The following RIMS2 variants were observed in gnomAD, a reference collection of about 807,000 sequenced individuals.
The protein encoded by RIMS2 is regulating synaptic membrane exocytosis 2, also known as regulating synaptic membrane exocytosis protein 2.
Under a neutral mutation model 174.4 loss-of-function variants are expected in RIMS2, and 59 were observed. The observed-to-expected ratio is 0.34, with a 90% confidence interval of 0.27 to 0.42. The LOEUF is 0.42. Ranked by LOEUF, RIMS2 falls within the 10% of genes least tolerant of loss-of-function variation. RIMS2 has a pLI of 1.00. For missense variants in RIMS2, 1,620 were observed against 1,666.3 expected, an observed-to-expected ratio of 0.97 and a Z score of 0.48; for synonymous variants, 606 against 572.5, an observed-to-expected ratio of 1.06 and a Z score of -0.84.
At chr8:103,585,543 T>C (rs565563462) in intron 1 of RIMS2, among the ~76,000 whole-genome samples, 4 of 152,236 alleles carry the variant, frequency 2.6e-5, no homozygotes, top group African/African-American at 9.6e-5. Context: ...CATAGAATAC[T>C]ATTCAGCCAT....
chr8:103,921,729 C>T (rs2077702859), exon 10 of RIMS2: 2 of 1,580,224 alleles, frequency 1.3e-6, no homozygotes, highest in Admixed American at 3.3e-5. Flanking sequence ...GTTACCTCTC[C>T]CATGAGTCCT....
intron 19 of RIMS2, among the ~76,000 whole-genome samples, chr8:104,126,058 G>A (rs1243280637): frequency 6.6e-6 from 1 of 152,142 alleles, no homozygotes; most frequent in Non-Finnish European, 1.5e-5. Context: ...ATTGAGGCTA[G>A]AAGGTGGACT....
At chr8:103,686,046 A>G (rs1176029163) in intron 1 of RIMS2, among the ~76,000 whole-genome samples, 1 of 152,108 alleles carries the variant, frequency 6.6e-6, no homozygotes, top group Non-Finnish European at 1.5e-5. Context: ...TTCATATCTT[A>G]TTAGAGTTAT....
intron 3 of RIMS2, among the ~76,000 whole-genome samples, chr8:103,817,170 G>T (rs1185904472): frequency 6.6e-6 from 1 of 152,068 alleles, no homozygotes; most frequent in African/African-American, 2.4e-5. Flanking sequence ...AGCACCTCAG[G>T]TTGCTTCTGC....
chr8:103,640,556 T>A (rs1184940659), intron 1 of RIMS2, among the ~76,000 whole-genome samples: 2 of 152,054 alleles, frequency 1.3e-5, no homozygotes, highest in Non-Finnish European at 2.9e-5. Context: ...TTTTGATAGG[T>A]TGTATTTTCA....
chr8:103,695,940 T>A (rs548983079), intron 1 of RIMS2, among the ~76,000 whole-genome samples: 16 of 152,274 alleles, frequency 1.1e-4, no homozygotes, highest in African/African-American at 3.6e-4. Context: ...GTGTTTATAT[T>A]TGGTAGTTGA....
At chr8:103,713,037 T>G (rs914168083) in intron 2 of RIMS2, among the ~76,000 whole-genome samples, 5 of 151,804 alleles carry the variant, frequency 3.3e-5, no homozygotes, top group Non-Finnish European at 7.4e-5. Flanking sequence ...TTCTTTCTTT[T>G]TGATGGATTA....
At chr8:103,546,596 G>A (rs369100352) in intron 1 of RIMS2, among the ~76,000 whole-genome samples, 29 of 152,182 alleles carry the variant, frequency 1.9e-4, no homozygotes, top group African/African-American at 6.0e-4. Context: ...TCATCTGCAC[G>A]TGCCACATAC....
chr8:103,562,867 G>T (rs1341277995), intron 1 of RIMS2, among the ~76,000 whole-genome samples: 2 of 152,134 alleles, frequency 1.3e-5, no homozygotes, highest in Non-Finnish European at 2.9e-5. Context: ...CTTGATTTCT[G>T]TGCACCCGCA....
chr8:104,057,092 G>C (rs2096883203), intron 19 of RIMS2, among the ~76,000 whole-genome samples: 1 of 143,776 alleles, frequency 7.0e-6, no homozygotes, highest in Admixed American at 7.1e-5. Context: ...TTTGAGACAA[G>C]GTCTCACTCT....
chr8:104,110,470 C>T (rs1346809573), intron 19 of RIMS2, among the ~76,000 whole-genome samples: 1 of 152,100 alleles, frequency 6.6e-6, no homozygotes, highest in Non-Finnish European at 1.5e-5. Context: ...AACAGTTTTT[C>T]TTATCCTTGA....
At chr8:103,681,489 G>T (rs2096879834) in intron 1 of RIMS2, among the ~76,000 whole-genome samples, 1 of 151,854 alleles carries the variant, frequency 6.6e-6, no homozygotes, top group Non-Finnish European at 1.5e-5. Context: ...GCTACCAAGG[G>T]TATGATCAAT....
intron 15 of RIMS2, among the ~76,000 whole-genome samples, chr8:103,962,349 T>C (rs1431337633): frequency 1.3e-5 from 2 of 152,192 alleles, no homozygotes; most frequent in Non-Finnish European, 2.9e-5. Context: ...CTGGAATAAT[T>C]TTCTGGCACT....
intron 14 of RIMS2, among the ~76,000 whole-genome samples, chr8:103,949,460 G>C (rs1422303933): frequency 6.6e-6 from 1 of 152,102 alleles, no homozygotes; most frequent in Non-Finnish European, 1.5e-5. Context: ...GATCACGATA[G>C]AAATAAATTA....
chr8:103,988,299 G>T (rs1169209797), intron 16 of RIMS2, among the ~76,000 whole-genome samples: 6 of 152,128 alleles, frequency 3.9e-5, no homozygotes, highest in Admixed American at 3.9e-4. Flanking sequence ...CAAAGGGTGG[G>T]TCAGACAGGG....
rs150927891 is a variant in RIMS2 at position 104,039,551 on chromosome 8, T to C, written c.3334+24936T>C. On this transcript the variant is annotated intron_variant, in intron 19 of 23. Transcript: ENST00000504942. The stretch of plus-strand genomic sequence containing the variant: ...TTGTTTACGTAGTTTTTATACTTTC[T>C]GCAAACAATAAGATCTTTTCTTAGA... 3.5e-3 allele frequency among the ~76,000 whole-genome samples: 539 copies of C among 151,904 alleles called. 4 individuals carry two copies. Among genetic ancestry groups the C allele is most frequent in the South Asian group, 8.9e-3 (43 of 4,824 alleles).
chr8:104,012,855 C>G (rs2095804079), intron 17 of RIMS2, among the ~76,000 whole-genome samples: 1 of 152,062 alleles, frequency 6.6e-6, no homozygotes, highest in Non-Finnish European at 1.5e-5. Context: ...TAAAGTGCAC[C>G]AAGATAGACA....
intron 9 of RIMS2, 104 bp downstream of exon 12, chr8:103,918,591 T>A: frequency 1.3e-5 from 11 of 836,248 alleles, no homozygotes; most frequent in South Asian, 2.9e-5. Context: ...TATGATAACC[T>A]TGTTATCAAG....
chr8:103,605,591 G>C (rs959377705), intron 1 of RIMS2, among the ~76,000 whole-genome samples: 4 of 151,818 alleles, frequency 2.6e-5, no homozygotes, highest in East Asian at 3.9e-4. Flanking sequence ...GTTCCTCCTT[G>C]TACCTCTGGT....
Sources: allele counts gnomAD v4.1 joint callset (sites outside exome capture counted in the v4.1 genomes callset), GRCh38; gene constraint gnomAD v4.1.1; transcripts MANE v1.5; gene names NCBI Gene and HGNC (gene_info 2026-07-23, HGNC 2026-07-21).